Variants in CLVS1 observed in about 807,000 individuals in gnomAD.
CLVS1 encodes clavesin 1.
Under a neutral mutation model 33.1 loss-of-function variants are expected in CLVS1, and 10 were observed. The observed-to-expected ratio is 0.30, with a 90% CI of 0.19 to 0.51. The LOEUF is 0.51. CLVS1 is among the 20% of genes least tolerant of loss of function. CLVS1 has a pLI of 0.97. For missense variants in CLVS1, 343 were observed against 433.4 expected, an observed-to-expected ratio of 0.79 and a Z score of 1.85; for synonymous variants, 163 against 166.1, an observed-to-expected ratio of 0.98 and a Z score of 0.14.
intron 3 of CLVS1, among the ~76,000 whole-genome samples, chr8:61,414,529 C>T (rs1328410803): frequency 6.6e-6 from 1 of 151,872 alleles, no homozygotes; most frequent in Non-Finnish European, 1.5e-5. Context: ...TGTGACCTGC[C>T]AGGTCTCTGA....
At chr8:61,304,641 A>T (rs927569271) in intron 2 of CLVS1, among the ~76,000 whole-genome samples, 3 of 152,072 alleles carry the variant, frequency 2.0e-5, no homozygotes. Context: ...ATAATTCACC[A>T]TTTGCCCCTT....
Position 61,223,136 on chromosome 8 carries a change from G to T in CLVS1, c.-151-76541G>T, listed in dbSNP as rs868158287. Reference sequence around the variant, plus strand: ...TAGGTCTTGACTCCTTATCCAATTTGCCAGTCTGTGTCTTTTAATTGGAGA... The same window carrying T: ...TAGGTCTTGACTCCTTATCCAATTTTCCAGTCTGTGTCTTTTAATTGGAGA... On this transcript the variant is annotated intron_variant, in intron 2 of 2. Transcript: ENST00000522621. Among the ~76,000 whole-genome samples the T allele has an allele frequency of 8.6e-4, 130 of 152,028 alleles. 1 individual carries two copies. The highest frequency in any genetic ancestry group is 3.1e-3 in the Admixed American group (48 of 15,268).
At chr8:61,469,727 G>A (rs981099791) in intron 5 of CLVS1, among the ~76,000 whole-genome samples, 1 of 152,196 alleles carries the variant, frequency 6.6e-6, no homozygotes, top group Non-Finnish European at 1.5e-5. Context: ...CAGGAGGACC[G>A]TTGTCTTCTG....
intron 2 of CLVS1, among the ~76,000 whole-genome samples, chr8:61,350,762 T>C (rs1466836350): frequency 1.3e-5 from 2 of 152,136 alleles, no homozygotes; most frequent in Non-Finnish European, 2.9e-5. Flanking sequence ...TTTAGTTAAC[T>C]ATGTGATTCC....
chr8:61,239,275 C>T (rs1236451739), intron 2 of CLVS1, among the ~76,000 whole-genome samples: 1 of 152,162 alleles, frequency 6.6e-6, no homozygotes, highest in Non-Finnish European at 1.5e-5. Flanking sequence ...TACAACTGGA[C>T]ATATCAACCC....
chr8:61,120,828 TTGTC>T (rs1805845499), intron 1 of CLVS1, among the ~76,000 whole-genome samples: 1 of 147,914 alleles, frequency 6.8e-6, no homozygotes, highest in African/African-American at 2.5e-5. Flanking sequence ...GTCTTTTTGT[TTGTC>T]TGTGCCCTGC....
At chr8:61,121,174 G>A (rs1340404040) in intron 1 of CLVS1, among the ~76,000 whole-genome samples, 5 of 151,990 alleles carry the variant, frequency 3.3e-5, no homozygotes, top group Admixed American at 1.3e-4. Context: ...GACTCGGAAA[G>A]GGAACTCCCT....
At chr8:61,023,991 A>T in the CLVS1 span, among the ~76,000 whole-genome samples, 2 of 152,180 alleles carry the variant, frequency 1.3e-5, no homozygotes, top group East Asian at 3.9e-4. Context: ...CCAGACATCC[A>T]ATTAAACTGC....
the CLVS1 span, among the ~76,000 whole-genome samples, chr8:61,017,135 C>T: frequency 2.0e-5 from 3 of 152,176 alleles, no homozygotes; most frequent in Admixed American, 1.3e-4. Flanking sequence ...GGGGGAGAGC[C>T]GAGCCTGGTG....
intron 2 of CLVS1, among the ~76,000 whole-genome samples, chr8:61,142,156 A>G (rs1806318710): frequency 6.6e-6 from 1 of 152,158 alleles, no homozygotes; most frequent in Non-Finnish European, 1.5e-5. Context: ...TGAGGGAGCG[A>G]CGTGGTGGGA....
intron 1 of CLVS1, among the ~76,000 whole-genome samples, chr8:61,082,558 C>T (rs1805041309): frequency 6.6e-6 from 1 of 152,066 alleles, no homozygotes; most frequent in Non-Finnish European, 1.5e-5. Flanking sequence ...TGCAGAAAAT[C>T]AAAGACAAAC....
At chr8:61,066,017 T>C (rs886396616) in intron 1 of CLVS1, among the ~76,000 whole-genome samples, 5 of 152,240 alleles carry the variant, frequency 3.3e-5, no homozygotes, top group Non-Finnish European at 5.9e-5. Flanking sequence ...ACATTTATGA[T>C]AAAAACAGTC....
At chr8:61,184,381 G>A (rs1807300012) in intron 2 of CLVS1, among the ~76,000 whole-genome samples, 2 of 152,214 alleles carry the variant, frequency 1.3e-5, no homozygotes, top group Non-Finnish European at 2.9e-5. Flanking sequence ...CAGTGAGGAT[G>A]AGGCAATATA....
chr8:61,230,710 G>C (rs1004814768), intron 2 of CLVS1, among the ~76,000 whole-genome samples: 1 of 152,050 alleles, frequency 6.6e-6, no homozygotes, highest in African/African-American at 2.4e-5. Flanking sequence ...TAGCCCCTTG[G>C]CTTAGCATGT....
chr8:61,236,231 G>A (rs1012485775), intron 2 of CLVS1, among the ~76,000 whole-genome samples: 3 of 152,288 alleles, frequency 2.0e-5, no homozygotes, highest in African/African-American at 7.2e-5. Flanking sequence ...CATGAGATAT[G>A]GGCACAACAC....
intron 2 of CLVS1, among the ~76,000 whole-genome samples, chr8:61,200,358 T>G (rs1375170700): frequency 6.6e-6 from 1 of 152,206 alleles, no homozygotes; most frequent in Non-Finnish European, 1.5e-5. Flanking sequence ...TGACTTCAGG[T>G]GATCTGCCTG....
the CLVS1 span, among the ~76,000 whole-genome samples, chr8:61,027,683 G>T: frequency 5.6e-4 from 85 of 152,062 alleles, no homozygotes; most frequent in Non-Finnish European, 1.0e-3. Context: ...GGTGTGTTTT[G>T]TCTCTCCCCC....
the CLVS1 span, among the ~76,000 whole-genome samples, chr8:61,012,124 C>G: frequency 6.6e-6 from 1 of 152,306 alleles, no homozygotes; most frequent in South Asian, 2.1e-4. Context: ...GCAGATGGCT[C>G]TGGAGAGCAA....
At chr8:61,268,079 A>T (rs968026913) in intron 2 of CLVS1, among the ~76,000 whole-genome samples, 62 of 151,906 alleles carry the variant, frequency 4.1e-4, no homozygotes, top group African/African-American at 1.4e-3. Context: ...GGTTAGTTAC[A>T]TATGTATACA....
Sources: gnomAD v4.1 joint callset for allele counts (sites outside exome capture counted in the v4.1 genomes callset) on GRCh38, gnomAD v4.1.1 for gene constraint, MANE v1.5 for transcripts, NCBI Gene and HGNC (gene_info 2026-07-23, HGNC 2026-07-21) for gene names.